The following XG variants were observed in gnomAD, a reference collection of about 807,000 sequenced individuals.
XG encodes Xg glycoprotein (Xg blood group).
Under a neutral mutation model 25.7 loss-of-function variants are expected in XG, and 24 were observed. The ratio of observed to expected loss-of-function variants is 0.93; its 90% CI spans 0.68 to 1.31. The LOEUF (loss-of-function observed/expected upper bound fraction) is 1.31. XG is among the 40% of genes most tolerant of loss of function. The pLI is 0.00. For missense variants in XG, 181 were observed against 187.6 expected, an observed-to-expected ratio of 0.96 and a Z score of 0.21; for synonymous variants, 77 against 69.2, an observed-to-expected ratio of 1.11 and a Z score of -0.56.
rs183620934 is a variant in XG, at chrX:2,787,247, C to G, written c.191-2397C>G. On this transcript the variant is annotated intron_variant, in intron 4 of 10. Coordinates refer to ENST00000644266, the MANE Select transcript of XG (RefSeq NM_001141919.2). ...AGCAGCCTGAAATGGACTAAGACAT[C>G]TCATAAGAAGAGGAGATGAGGACAC... Among the ~76,000 whole-genome samples the G allele has an allele frequency of 4.1e-3, 451 of 109,885 alleles. 3 individuals carry two copies. The highest frequency in any genetic ancestry group is 0.014 in the African/African-American group (425 of 30,126).
intron 5 of XG, 42 bp from the exon 6 acceptor site, chrX:2,794,493 T>C (rs1233005997): frequency 8.4e-7 from 1 of 1,196,413 alleles, no homozygotes; most frequent in Non-Finnish European, 1.1e-6. Context: ...AGGGGACCTT[T>C]GGAGAGGTCT....
intron 7 of XG, among the ~76,000 whole-genome samples, chrX:2,799,037 C>T: frequency 9.0e-6 from 1 of 110,648 alleles, no homozygotes. Context: ...ACACGCAAAC[C>T]TTCAGAACCA....
At position 2,779,388 on chromosome X, in the gene XG, AAAT is replaced by A. The variant is rs745575099; in HGVS notation, c.128-2659_128-2657del. On this transcript the variant is annotated intron_variant, in intron 3 of 10. Transcript: ENST00000644266. ...AATGGGTTAGCCTATGTCTACATTTAAATAATAATAATAATAATAATGTTCCAA... is the reference window on the plus strand; with the variant it reads ...AATGGGTTAGCCTATGTCTACATTTAAATAATAATAATAATAATGTTCCAA... Among the ~76,000 whole-genome samples the A allele has an allele frequency of 4.6e-3, 690 of 151,236 alleles. 7 individuals are homozygous for A. The highest frequency in any genetic ancestry group is 0.015 in the African/African-American group (636 of 41,256).
At chrX:2,789,540 T>C (rs2086816826) in intron 4 of XG, 104 bp from the exon 5 acceptor site, 1 of 461,438 alleles carries the variant, frequency 2.2e-6, no homozygotes, top group Admixed American at 3.7e-5. Flanking sequence ...GTAAAAGCAA[T>C]GGGCAGTAAC....
intron 4 of XG, among the ~76,000 whole-genome samples, chrX:2,786,820 A>C (rs1160835384): frequency 2.7e-5 from 3 of 111,124 alleles, no homozygotes; most frequent in African/African-American, 9.8e-5. Flanking sequence ...CACAGAGGAA[A>C]GATTATATGA....
chrX:2,782,293 G>A (rs1286504726), intron 4 of XG, among the ~76,000 whole-genome samples, 165 bp downstream of exon 4: 1 of 112,351 alleles, frequency 8.9e-6, no homozygotes, highest in Non-Finnish European at 1.9e-5. Flanking sequence ...AAAGTCCAAC[G>A]GACAGAAACA....
At position 2,808,050 on chromosome X, in the gene XG, C is replaced by A. The variant is rs184691617; in HGVS notation, c.419-135C>A. On this transcript the variant is annotated intron_variant, in intron 8 of 10. Coordinates refer to ENST00000644266, the MANE Select transcript of XG (RefSeq NM_001141919.2). ...TATGCTGCTTGGCTGTCCCCCTCCC[C>A]CCACAAGAATGTAAATTCCCTGAAA... is the stretch of plus-strand genomic sequence containing the variant. The A allele has an allele frequency of 2.1e-4, 144 of 677,532 alleles. No homozygotes were observed. In the African/African-American group the frequency reaches 2.5e-3, roughly 12 times the overall value. 55.8% of individuals were successfully genotyped at this position (677,532 alleles called of 1,213,427 possible). A position where few individuals can be genotyped will look rare whatever the true frequency, so the allele number is the denominator to read the frequency against.
In XG at chrX:2,808,203, C is replaced by T; in HGVS notation, c.437C>T (p.Thr146Met). 1 of 1,211,162 alleles carries T rather than the reference C, an allele frequency of 8.3e-7. No individual in the cohort carries two copies. The highest frequency in any genetic ancestry group is 1.1e-6 in the Non-Finnish European group (1 of 895,256). ...CTTACAGGTGGAGATCACCATTCAACGTATGGCAATCCAGAAGGTAACTGA... is the reference window on the plus strand; with the variant it reads ...CTTACAGGTGGAGATCACCATTCAATGTATGGCAATCCAGAAGGTAACTGA... ...GNTYGGDHHS[T>M]YGNPEGNMVA... is the part of the protein sequence containing the mutation. Residue 146 changes from threonine (T) to methionine (M), a missense_variant, in exon 9 of 11, where the codon ACG becomes ATG. Physicochemically the swap from Thr to Met is moderately conservative, Grantham distance 81. Coordinates refer to ENST00000644266, the MANE Select transcript of XG (RefSeq NM_001141919.2).
At chrX:2,783,591 G>T (rs530604754) in intron 4 of XG, among the ~76,000 whole-genome samples, 1 of 112,250 alleles carries the variant, frequency 8.9e-6, no homozygotes, top group Non-Finnish European at 1.9e-5. Context: ...TTGCAGACAC[G>T]CACATCCAGA....
At chrX:2,787,866 C>T (rs1482466290) in intron 4 of XG, among the ~76,000 whole-genome samples, 2 of 104,179 alleles carry the variant, frequency 1.9e-5, no homozygotes, top group East Asian at 3.0e-4. Flanking sequence ...GAGATTGTGC[C>T]ACTGCACTCC....
chrX:2,753,638 A>G (rs746329147), intron 1 of XG, among the ~76,000 whole-genome samples: 37 of 151,236 alleles, frequency 2.4e-4, no homozygotes, highest in African/African-American at 7.8e-4. Flanking sequence ...GCTGGAGTGC[A>G]GTGACACAAT....
At chrX:2,763,419 T>G (rs1419667872) in intron 1 of XG, among the ~76,000 whole-genome samples, 1 of 150,614 alleles carries the variant, frequency 6.6e-6, no homozygotes, top group Non-Finnish European at 1.5e-5. Context: ...TAAGAGAAAC[T>G]GAGGCCTGAA....
At chrX:2,798,369 C>CTTTTTTTTT (rs748928232) in intron 7 of XG, among the ~76,000 whole-genome samples, 1 of 83,866 alleles carries the variant, frequency 1.2e-5, no homozygotes, top group Non-Finnish European at 2.3e-5. Context: ...ACCATCTTTT[C>CTTTTTTTTT]TTTTTTTTTT....
rs993656994 is a variant in XG at position 2,814,725 on chromosome X, C to G, written c.*345C>G. The stretch of plus-strand genomic sequence containing the variant: ...CACACGCTTAACCATGTTGATGGCA[C>G]AAAGCGGTGAGCAGTAGGGAGGTAG... On this transcript the variant is annotated 3_prime_UTR_variant, in exon 11 of 11. Coordinates refer to ENST00000644266, the MANE Select transcript of XG (RefSeq NM_001141919.2). 5.7e-6 allele frequency: 1 copy of G among 176,474 alleles called. No homozygotes were observed. The highest frequency in any genetic ancestry group is 3.0e-5 in the African/African-American group (1 of 32,981). 14.5% of individuals were successfully genotyped at this position (176,474 alleles called of 1,213,427 possible). A position where few individuals can be genotyped will look rare whatever the true frequency, so the allele number is the denominator to read the frequency against.
At chrX:2,794,396 C>T in intron 5 of XG, 139 bp from the exon 6 acceptor site, 2 of 643,162 alleles carry the variant, frequency 3.1e-6, no homozygotes, top group Non-Finnish European at 4.6e-6. Flanking sequence ...TTCCTGGTGC[C>T]TGTGGGCGTC....
intron 9 of XG, among the ~76,000 whole-genome samples, chrX:2,809,931 C>T (rs2087038181): frequency 8.9e-6 from 1 of 112,453 alleles, no homozygotes; most frequent in Admixed American, 9.4e-5. Context: ...ACTTGTGTGA[C>T]ATTCTGTTGG....
intron 2 of XG, among the ~76,000 whole-genome samples, chrX:2,773,530 GGAGA>G (rs2050885335): frequency 7.5e-6 from 1 of 134,222 alleles, no homozygotes; most frequent in African/African-American, 2.8e-5. Context: ...AAGGAAGGAA[GGAGA>G]GAAGGAAGGA....
chrX:2,763,518 A>G (rs1023773308), intron 1 of XG, among the ~76,000 whole-genome samples: 3 of 152,058 alleles, frequency 2.0e-5, no homozygotes, highest in Admixed American at 2.0e-4. Context: ...GACGTGCTGG[A>G]GGAAGTCACA....
In XG at chrX:2,782,007, C is replaced by T. The variant is rs2086733287; in HGVS notation, c.128-59C>T. ...ACGCTGATGAGCTTGTTTCTGCAGC[C>T]TGCTCCTAAGGGAAGGACAATTTTC... On this transcript the variant is annotated intron_variant, in intron 3 of 10. Coordinates refer to ENST00000644266, the MANE Select transcript of XG (RefSeq NM_001141919.2). 1.1e-5 allele frequency: 12 copies of T among 1,130,254 alleles called. No individual in the cohort carries two copies. In the South Asian group the frequency reaches 2.0e-4, roughly 19 times the overall value. The allele number at this position is 1,130,254 out of a possible 1,213,427, so 93.1% of individuals were successfully genotyped here. A position where few individuals can be genotyped will look rare whatever the true frequency, so the allele number is the denominator to read the frequency against.
Sources: allele counts gnomAD v4.1 joint callset (sites outside exome capture counted in the v4.1 genomes callset), GRCh38; gene constraint gnomAD v4.1.1; transcripts MANE v1.5; gene names NCBI Gene and HGNC (gene_info 2026-07-23, HGNC 2026-07-21).